CORO7: variants seen among roughly 807,000 people sequenced by gnomAD.
CORO7 encodes coronin-7.
In CORO7, 107 loss-of-function variants were observed where a neutral mutation model predicts 126.6. The observed-to-expected ratio is 0.85, with a 90% CI of 0.72 to 0.99. The LOEUF (loss-of-function observed/expected upper bound fraction) is 0.99. Ranked by LOEUF, CORO7 falls within the 50% of genes least tolerant of loss-of-function variation. The pLI, the probability that CORO7 is intolerant of heterozygous loss-of-function variation, is 0.00. For missense variants in CORO7, 1,314 were observed against 1,255.8 expected (o/e 1.05, Z -0.70); for synonymous variants, 603 against 536.8 (o/e 1.12, Z -1.70).
chr16:4,356,196 G>A (rs1419847661), intron 26 of CORO7, among the ~76,000 whole-genome samples: 1 of 151,798 alleles, frequency 6.6e-6, no homozygotes, highest in African/African-American at 2.4e-5. Context: ...CAGGTGATCC[G>A]CCCTCCTCGG....
intron 13 of CORO7, 56 bp from the exon 14 acceptor site, chr16:4,364,469 C>A: frequency 1.4e-6 from 2 of 1,475,346 alleles, no homozygotes; most frequent in Non-Finnish European, 1.8e-6. Context: ...GTCAGGAGGG[C>A]CCCCATGGGA....
At chr16:4,382,342 G>T in intron 9 of CORO7, 1 of 1,611,618 alleles carries the variant, frequency 6.2e-7, no homozygotes, top group South Asian at 1.1e-5. Flanking sequence ...GGGGAGCTCC[G>T]TGCAGCTCAG....
At chr16:4,398,967 C>CAAA (rs60502616) in intron 6 of CORO7, among the ~76,000 whole-genome samples, 1 of 62,064 alleles carries the variant, frequency 1.6e-5, no homozygotes, top group African/African-American at 5.9e-5. Flanking sequence ...GACTCCGTCT[C>CAAA]AAAAAAAAAA....
intron 9 of CORO7, chr16:4,382,361 G>A (rs748154500): frequency 8.7e-6 from 14 of 1,611,970 alleles, no homozygotes; most frequent in Admixed American, 5.0e-5. Context: ...AGGAGCCTCC[G>A]TCTCACCTAT....
intron 23 of CORO7, 163 bp downstream of exon 23, chr16:4,359,133 C>T: frequency 1.3e-6 from 1 of 742,424 alleles, no homozygotes; most frequent in African/African-American, 1.8e-5. Context: ...TAAATAATTC[C>T]AGCAGCAACT....
Position 4,413,076 on chromosome 16 carries a change from C to T in CORO7, c.157+232G>A, listed in dbSNP as rs991760888. The T allele has an allele frequency of 2.7e-4, 124 of 452,600 alleles. 1 individual carries two copies. Among genetic ancestry groups the T allele is most frequent in the Non-Finnish European group, 5.9e-5 (15 of 256,196 alleles). 28.0% of individuals were successfully genotyped at this position (452,600 alleles called of 1,614,324 possible). A position where few individuals can be genotyped will look rare whatever the true frequency, so the allele number is the denominator to read the frequency against. On this transcript the variant is annotated intron_variant, in intron 2 of 27. Coordinates refer to ENST00000251166, the MANE Select transcript of CORO7 (RefSeq NM_024535.5). ...TCCCCTCCCAGCCCTCCTGGCCATG[C>T]TCTTGCCTGTGGTTTGTACACACAT... is the stretch of plus-strand genomic sequence containing the variant.
In CORO7 at chr16:4,405,570, G is replaced by A. The variant is rs764755263; in HGVS notation, c.488-3C>T. ...CAGGTCCCCATGGGCTGCCAGCTCT[G>A]CAGAGAAGCAGTCACAGTCAGGTCC... On this transcript the variant is annotated splice_region_variant and splice_polypyrimidine_tract_variant and intron_variant, in intron 5 of 27. Transcript: ENST00000251166. 4.3e-6 allele frequency: 7 copies of A among 1,612,232 alleles called. No homozygotes were observed.
At chr16:4,372,996 C>G (rs1259929180) in intron 9 of CORO7, among the ~76,000 whole-genome samples, 1 of 152,166 alleles carries the variant, frequency 6.6e-6, no homozygotes, top group African/African-American at 2.4e-5. Context: ...TCCCTTCACA[C>G]TAGACTGTAC....
At chr16:4,395,970 G>C (rs1392722637) in intron 6 of CORO7, among the ~76,000 whole-genome samples, 1 of 88,660 alleles carries the variant, frequency 1.1e-5, no homozygotes, top group African/African-American at 4.1e-5. Flanking sequence ...TCTTTCTGTG[G>C]AACAATGTGT....
intron 7 of CORO7, among the ~76,000 whole-genome samples, chr16:4,393,466 C>T (rs1247657364): frequency 6.6e-6 from 1 of 152,222 alleles, no homozygotes; most frequent in Non-Finnish European, 1.5e-5. Context: ...TGGCTAGTTT[C>T]ACTGCTTAAA....
At chr16:4,414,079 T>A (rs939939427) in intron 1 of CORO7, among the ~76,000 whole-genome samples, 1 of 150,972 alleles carries the variant, frequency 6.6e-6, no homozygotes, top group African/African-American at 2.4e-5. Flanking sequence ...CAATTCCAGC[T>A]ACTCAGGAGG....
At chr16:4,413,182 G>A (rs903677790) in intron 2 of CORO7, 126 bp downstream of exon 2, 1 of 975,956 alleles carries the variant, frequency 1.0e-6, no homozygotes, top group Non-Finnish European at 1.5e-6. Context: ...GCTCACCTCT[G>A]AGCCCCCCAA....
chr16:4,414,654 C>T (rs2056340309), intron 1 of CORO7, among the ~76,000 whole-genome samples: 1 of 152,126 alleles, frequency 6.6e-6, no homozygotes, highest in Non-Finnish European at 1.5e-5. Context: ...CCTGTTCTCC[C>T]GCCTCCCTAA....
chr16:4,395,034 C>T (rs1160282542), intron 7 of CORO7, among the ~76,000 whole-genome samples: 2 of 152,208 alleles, frequency 1.3e-5, no homozygotes, highest in East Asian at 1.9e-4. Context: ...TGAAGCCACA[C>T]GATGGCCTCC....
intron 9 of CORO7, among the ~76,000 whole-genome samples, chr16:4,375,517 T>C (rs545519522): frequency 6.6e-6 from 1 of 152,208 alleles, no homozygotes; most frequent in Admixed American, 6.5e-5. Flanking sequence ...AGATGGAGTA[T>C]TGCTCTGTCA....
intron 9 of CORO7, among the ~76,000 whole-genome samples, chr16:4,365,838 C>T (rs1342343439): frequency 6.6e-6 from 1 of 152,182 alleles, no homozygotes; most frequent in Non-Finnish European, 1.5e-5. Context: ...AGCTCTTCCT[C>T]CAAGAAGACC....
chr16:4,413,277 G>A (rs753836623), intron 2 of CORO7, 31 bp downstream of exon 2: 2 of 1,549,216 alleles, frequency 1.3e-6, no homozygotes, highest in East Asian at 2.4e-5. Context: ...GAATATGTGA[G>A]CAAATATCCA....
intron 9 of CORO7, among the ~76,000 whole-genome samples, chr16:4,378,552 G>C (rs1356154753): frequency 6.6e-6 from 1 of 152,306 alleles, no homozygotes; most frequent in Non-Finnish European, 1.5e-5. Context: ...AGTGAGGGTG[G>C]AGCGGGTCCC....
intron 10 of CORO7, 50 bp downstream of exon 10, chr16:4,365,441 G>T (rs1192578473): frequency 1.3e-6 from 2 of 1,551,262 alleles, no homozygotes; most frequent in Non-Finnish European, 1.7e-6. Context: ...AAGGCCAGGG[G>T]CTGGACTCCA....
Sources: allele counts gnomAD v4.1 joint callset (sites outside exome capture counted in the v4.1 genomes callset), GRCh38; gene constraint gnomAD v4.1.1; transcripts MANE v1.5; gene names NCBI Gene and HGNC (gene_info 2026-07-23, HGNC 2026-07-21).